The following FBXL2 variants were observed in gnomAD, a reference collection of about 807,000 sequenced individuals.
FBXL2 encodes the protein F-box and leucine rich repeat protein 2.
In FBXL2, 38 loss-of-function variants were observed where a neutral mutation model predicts 69.2. The observed-to-expected ratio is 0.55, with a 90% CI of 0.42 to 0.72. The LOEUF (loss-of-function observed/expected upper bound fraction) is 0.72. FBXL2 is among the 30% of genes least tolerant of loss of function. The pLI is 0.00. For synonymous variants in FBXL2, 192 were observed against 201.3 expected, an observed-to-expected ratio of 0.95 and a Z score of 0.39; for missense variants, 354 against 520.3, an observed-to-expected ratio of 0.68 and a Z score of 3.11.
In FBXL2 at chr3:33,375,334, G is replaced by A. The variant is rs1379590148; in HGVS notation, c.704G>A (p.Arg235Gln). The A allele has an allele frequency of 5.0e-6, 8 of 1,614,140 alleles. No homozygotes were observed. The highest frequency in any genetic ancestry group is 1.7e-5 in the Admixed American group (1 of 60,018). Residue 235 changes from arginine (R) to glutamine (Q), a missense_variant, in exon 10 of 15, where the codon CGG becomes CAG. Arg to Gln is a conservative substitution (Grantham distance 43, BLOSUM62 1). Transcript: ENST00000484457. Reference protein sequence around the residue: ...GVVQICRGCHRLQALCLSGCS... With the variant: ...GVVQICRGCHQLQALCLSGCS... Reference sequence around the variant, plus strand: ...GTGCAGATATGCAGGGGCTGTCACCGGCTACAGGCTCTCTGCCTTTCGGGT... The same window carrying A: ...GTGCAGATATGCAGGGGCTGTCACCAGCTACAGGCTCTCTGCCTTTCGGGT...
chr3:33,350,433 AT>A (rs60005264), intron 2 of FBXL2, among the ~76,000 whole-genome samples: 357 of 145,182 alleles, frequency 2.5e-3, no homozygotes, highest in Non-Finnish European at 2.8e-3. Flanking sequence ...TAACATCATA[AT>A]TTTTTTTTTT....
intron 4 of FBXL2, among the ~76,000 whole-genome samples, chr3:33,360,680 G>GAATA (rs2041545778): frequency 6.6e-6 from 1 of 152,040 alleles, no homozygotes; most frequent in South Asian, 2.1e-4. Context: ...CCATGCCAGT[G>GAATA]AATATAATTG....
chr3:33,372,914 T>G (rs1254881817), intron 5 of FBXL2, 178 bp from the exon 6 acceptor site: 1 of 637,918 alleles, frequency 1.6e-6, no homozygotes, highest in Admixed American at 2.7e-5. Context: ...AACTGCAGAC[T>G]GTCGAGCCCC....
intron 2 of FBXL2, among the ~76,000 whole-genome samples, chr3:33,307,239 T>C (rs1243977597): frequency 6.6e-6 from 1 of 152,136 alleles, no homozygotes; most frequent in East Asian, 1.9e-4. Context: ...TAGAGCACAA[T>C]ATCATATCTG....
At chr3:33,307,361 A>C (rs1445702851) in intron 2 of FBXL2, among the ~76,000 whole-genome samples, 1 of 152,176 alleles carries the variant, frequency 6.6e-6, no homozygotes, top group Non-Finnish European at 1.5e-5. Flanking sequence ...AAAATATTGA[A>C]GTTATGACAG....
At chr3:33,403,560 G>GTCTATCTATCTATCTA (rs1197016609) in exon 13 of FBXL2, 2 of 139,924 alleles carry the variant, frequency 1.4e-5, no homozygotes, top group South Asian at 2.3e-4. Flanking sequence ...CTGTCTGTCT[G>GTCTATCTATCTATCTA]TCTGTCTGTC....
Position 33,387,031 on chromosome 3 carries a change from A to ATT in FBXL2, c.*1424_*1425dup, listed in dbSNP as rs1036114378. On this transcript the variant is annotated 3_prime_UTR_variant, in exon 15 of 15. Transcript: ENST00000484457. ...AGCTGCATTCTAGGAAGAGAAGCAG[A>ATT]TTATATATATATATAATCTCCCCAT... 27 of 152,290 alleles carry ATT rather than the reference A, an allele frequency of 1.8e-4. No individual in the cohort carries two copies. The highest frequency in any genetic ancestry group is 1.1e-3 in the Admixed American group (17 of 15,274). 9.4% of individuals were successfully genotyped at this position (152,290 alleles called of 1,614,324 possible). A position where few individuals can be genotyped will look rare whatever the true frequency, so the allele number is the denominator to read the frequency against.
At chr3:33,419,576 C>T in the FBXL2 span, among the ~76,000 whole-genome samples, 2 of 146,802 alleles carry the variant, frequency 1.4e-5, no homozygotes, top group Admixed American at 7.0e-5. Flanking sequence ...TGCGGTGAGC[C>T]GAGATCGCGC....
intron 2 of FBXL2, among the ~76,000 whole-genome samples, chr3:33,312,776 G>A (rs978827364): frequency 1.2e-4 from 18 of 152,068 alleles, no homozygotes; most frequent in African/African-American, 4.3e-4. Context: ...GGAGGAAAAA[G>A]AGACAACATT....
Position 33,375,842 on chromosome 3 carries a change from T to C in FBXL2, c.788+424T>C, listed in dbSNP as rs553948664. ...CCTTCTTACTTAGCTTCTTCCCCAG[T>C]AGGAAAAAAAGTTTTTAACAAATAA... On this transcript the variant is annotated intron_variant, in intron 10 of 14. Transcript: ENST00000484457. Among the ~76,000 whole-genome samples the C allele has an allele frequency of 5.9e-5, 9 of 152,006 alleles. No homozygotes were observed. The East Asian group carries it at 1.5e-3, about 26-fold the overall frequency.
intron 12 of FBXL2, chr3:33,397,134 A>T: frequency 6.3e-7 from 1 of 1,578,024 alleles, no homozygotes; most frequent in Non-Finnish European, 8.6e-7. Context: ...ATAAGTCGGC[A>T]CCTAGAGAAG....
intron 1 of FBXL2, among the ~76,000 whole-genome samples, chr3:33,287,518 GC>G (rs1287328743): frequency 6.6e-6 from 1 of 151,872 alleles, no homozygotes; most frequent in Non-Finnish European, 1.5e-5. Context: ...GCCTCGTTCT[GC>G]CACCCAGGCT....
chr3:33,369,607 C>T (rs112089414), intron 5 of FBXL2, among the ~76,000 whole-genome samples: 2,107 of 151,728 alleles, frequency 0.014, 22 homozygotes, highest in South Asian at 0.026. Context: ...TTATTATTAT[C>T]ATTATTATCA....
intron 1 of FBXL2, among the ~76,000 whole-genome samples, chr3:33,281,351 A>G (rs1473093460): frequency 6.6e-6 from 1 of 152,150 alleles, no homozygotes; most frequent in Non-Finnish European, 1.5e-5. Context: ...GGCTTCATCC[A>G]TGTCCTTGCA....
intron 1 of FBXL2, among the ~76,000 whole-genome samples, chr3:33,291,473 C>T (rs1000944651): frequency 6.6e-6 from 1 of 151,802 alleles, no homozygotes; most frequent in Non-Finnish European, 1.5e-5. Context: ...TATAAGGGAC[C>T]TTTTAAAATA....
At position 33,386,951 on chromosome 3, in the gene FBXL2, C is replaced by T. The variant is rs770959889; in HGVS notation, c.*1343C>T. 1 of 152,152 alleles carries T rather than the reference C, an allele frequency of 6.6e-6. No individual in the cohort carries two copies. Among genetic ancestry groups the T allele is most frequent in the Non-Finnish European group, 1.5e-5 (1 of 68,034 alleles). The allele number at this position is 152,152 out of a possible 1,614,324, so 9.4% of individuals were successfully genotyped here. ...GCAAAAGCAAGATGTGTTCCCATGA[C>T]TACCAATACCTTTATTAGGCAGTTT... On this transcript the variant is annotated 3_prime_UTR_variant, in exon 15 of 15. Coordinates refer to ENST00000484457, the MANE Select transcript of FBXL2 (RefSeq NM_012157.5).
intron 2 of FBXL2, chr3:33,300,705 GCTTT>G (rs1244965999): frequency 6.7e-6 from 1 of 149,566 alleles, no homozygotes; most frequent in Admixed American, 6.7e-5. Flanking sequence ...TCCTAGCTAT[GCTTT>G]CTTTTTTTTT....
At chr3:33,408,219 G>A (rs1243114548), downstream of FBXL2, among the ~76,000 whole-genome samples, 1 of 152,104 alleles carries the variant, frequency 6.6e-6, no homozygotes, top group East Asian at 1.9e-4. Flanking sequence ...AACTGCACGT[G>A]TTAATGTCAA....
chr3:33,368,568 A>G (rs2042096379), intron 5 of FBXL2, among the ~76,000 whole-genome samples: 1 of 151,868 alleles, frequency 6.6e-6, no homozygotes, highest in Non-Finnish European at 1.5e-5. Flanking sequence ...TCTATATTTA[A>G]AGTTGATTTT....
Sources: allele counts gnomAD v4.1 joint callset (sites outside exome capture counted in the v4.1 genomes callset), GRCh38; gene constraint gnomAD v4.1.1; transcripts MANE v1.5; gene names NCBI Gene and HGNC (gene_info 2026-07-23, HGNC 2026-07-21).